Variants in TSPEAR observed in about 807,000 individuals in gnomAD.
The protein encoded by TSPEAR is thrombospondin-type laminin G domain and EAR repeat-containing protein.
Under a neutral mutation model 71.6 loss-of-function variants are expected in TSPEAR, and 69 were observed. The ratio of observed to expected loss-of-function variants is 0.96; its 90% CI spans 0.79 to 1.18. The LOEUF (loss-of-function observed/expected upper bound fraction) is 1.18. Ranked by LOEUF, TSPEAR falls within the 50% of genes most tolerant of loss-of-function variation. The pLI is 0.00. For synonymous variants in TSPEAR, 402 were observed against 387.2 expected (o/e 1.04, Z -0.45); for missense variants, 971 against 894.9 (o/e 1.09, Z -1.09).
intron 1 of TSPEAR, chr21:44,638,008 G>A (rs1555937510): frequency 1.9e-6 from 3 of 1,612,728 alleles, no homozygotes; most frequent in Non-Finnish European, 2.5e-6. Context: ...GCCACCCTGT[G>A]TGCAAGTCCA....
chr21:44,711,348 G>A lies in TSPEAR; in HGVS notation c.82+85C>T. The A allele has an allele frequency of 1.5e-6, 2 of 1,296,898 alleles. No individual in the cohort carries two copies. The highest frequency in any genetic ancestry group is 2.2e-6 in the Non-Finnish European group (2 of 927,746). 80.3% of individuals were successfully genotyped at this position (1,296,898 alleles called of 1,614,324 possible). On this transcript the variant is annotated intron_variant, in intron 1 of 11. Coordinates refer to ENST00000323084, the MANE Select transcript of TSPEAR (RefSeq NM_144991.3). The surrounding 1 kb of genome is among the most constrained non-coding windows in gnomAD (Gnocchi z 4.5). Reference sequence around the variant, plus strand: ...CTCGGGCACCGCGGCTTGAATCAGTGTTAGAAAGTGGCATTTGTGACTCGA... The same window carrying A: ...CTCGGGCACCGCGGCTTGAATCAGTATTAGAAAGTGGCATTTGTGACTCGA...
intron 1 of TSPEAR, chr21:44,575,211 G>T: frequency 1.5e-6 from 1 of 655,752 alleles, no homozygotes; most frequent in Non-Finnish European, 2.6e-6. Flanking sequence ...CTTCTAGAAA[G>T]TTCCCATGGC....
intron 1 of TSPEAR, among the ~76,000 whole-genome samples, chr21:44,569,744 C>A (rs1278737588): frequency 2.0e-5 from 3 of 152,136 alleles, no homozygotes; most frequent in Admixed American, 2.0e-4. Flanking sequence ...ATAGGGACAG[C>A]AACAGTGGAC....
Position 44,545,720 on chromosome 21 carries a change from A to G in TSPEAR, c.304-11797T>C, listed in dbSNP as rs782490330. Among the ~76,000 whole-genome samples the G allele has an allele frequency of 3.0e-4, 45 of 152,322 alleles. 1 individual carries two copies. Among genetic ancestry groups the G allele is most frequent in the Non-Finnish European group, 5.9e-4 (40 of 68,030 alleles). The stretch of plus-strand genomic sequence containing the variant: ...AATACTTTGAGATGAATAAAAAAGA[A>G]AACACAGCAAACCAAAACTTATGAG... On this transcript the variant is annotated intron_variant, in intron 2 of 11. Transcript: ENST00000323084.
intron 9 of TSPEAR, among the ~76,000 whole-genome samples, chr21:44,521,296 C>T (rs2052728252): frequency 6.6e-6 from 1 of 152,234 alleles, no homozygotes; most frequent in Non-Finnish European, 1.5e-5. Context: ...CCTCAGCACA[C>T]TTGCTGGGAG....
intron 1 of TSPEAR, among the ~76,000 whole-genome samples, chr21:44,616,960 A>G (rs1982141083): frequency 6.6e-6 from 1 of 152,226 alleles, no homozygotes; most frequent in African/African-American, 2.4e-5. Context: ...CACAGCCTAG[A>G]CACCCACCAG....
chr21:44,574,378 C>T lies in TSPEAR; in HGVS notation c.83-6373G>A, dbSNP rs1555923341. ...GGCTGCATCAGCTCCTGCACGCCCT[C>T]GTGCTGCCAGCAGTCTAGCTGCCAG... On this transcript the variant is annotated intron_variant, in intron 1 of 11. Coordinates refer to ENST00000323084, the MANE Select transcript of TSPEAR (RefSeq NM_144991.3). 1.7e-5 allele frequency: 27 copies of T among 1,612,610 alleles called. No homozygotes were observed. The East Asian group carries it at 2.5e-4, about 15-fold the overall frequency.
intron 1 of TSPEAR, chr21:44,678,063 C>T (rs193061026): frequency 4.4e-5 from 31 of 697,788 alleles, no homozygotes; most frequent in South Asian, 3.4e-4. Context: ...CGGTCACACT[C>T]GATAACTGAC....
At chr21:44,569,582 T>G (rs2053760680) in intron 1 of TSPEAR, among the ~76,000 whole-genome samples, 1 of 152,102 alleles carries the variant, frequency 6.6e-6, no homozygotes, top group Admixed American at 6.5e-5. Context: ...GACATGCAGA[T>G]GGAGGGAGCA....
chr21:44,666,922 C>A lies in TSPEAR; in HGVS notation c.82+44511G>T, dbSNP rs781783217. ...GGCTGGATAAGGTCGAGGCAGAGGGCAGTGATGTCTGGGGACGGCCTCCCT... is the reference window on the plus strand; with the variant it reads ...GGCTGGATAAGGTCGAGGCAGAGGGAAGTGATGTCTGGGGACGGCCTCCCT... On this transcript the variant is annotated intron_variant, in intron 1 of 11. Transcript: ENST00000323084. The A allele has an allele frequency of 4.4e-6, 7 of 1,597,094 alleles. No individual in the cohort carries two copies. The Admixed American group carries it at 1.2e-4, about 27-fold the overall frequency.
At chr21:44,636,961 G>T (rs143190831) in intron 1 of TSPEAR, among the ~76,000 whole-genome samples, 1 of 152,206 alleles carries the variant, frequency 6.6e-6, no homozygotes, top group Non-Finnish European at 1.5e-5. Context: ...CCCAACACAG[G>T]CACCTCCGTC....
rs587743119 is a variant in TSPEAR at position 44,654,179 on chromosome 21, G to GT, written c.82+57253dup. 540 of 1,011,282 alleles carry GT rather than the reference G, an allele frequency of 5.3e-4. 5 individuals carry two copies. The African/African-American group carries it at 7.8e-3, about 15-fold the overall frequency. 62.6% of individuals were successfully genotyped at this position (1,011,282 alleles called of 1,614,324 possible). A position where few individuals can be genotyped will look rare whatever the true frequency, so the allele number is the denominator to read the frequency against. On this transcript the variant is annotated intron_variant, in intron 1 of 11. Coordinates refer to ENST00000323084, the MANE Select transcript of TSPEAR (RefSeq NM_144991.3). The stretch of plus-strand genomic sequence containing the variant: ...CAGGCGGTCTAGTCAGGTGACGACA[G>GT]TTTGCTGTGGGAGGATGTGGGGACT...
chr21:44,545,147 G>A (rs986987151), intron 2 of TSPEAR, among the ~76,000 whole-genome samples: 4 of 151,756 alleles, frequency 2.6e-5, no homozygotes, highest in African/African-American at 9.7e-5. Flanking sequence ...GTGAAACCCC[G>A]TCTCTACTAA....
intron 1 of TSPEAR, chr21:44,592,536 G>GCT: frequency 6.4e-7 from 1 of 1,556,394 alleles, no homozygotes; most frequent in Non-Finnish European, 8.7e-7. Flanking sequence ...AGGTGCTGAG[G>GCT]CTCTCGGGCT....
At chr21:44,574,768 C>T in intron 1 of TSPEAR, 1 of 1,614,008 alleles carries the variant, frequency 6.2e-7, no homozygotes. Flanking sequence ...GGGGCTTCCT[C>T]TTCATGCTGC....
At chr21:44,693,357 G>T (rs782088018) in intron 1 of TSPEAR, among the ~76,000 whole-genome samples, 1 of 152,056 alleles carries the variant, frequency 6.6e-6, no homozygotes, top group Non-Finnish European at 1.5e-5. Flanking sequence ...AAATAAATTG[G>T]ACTTCATCAA....
At position 44,523,408 on chromosome 21, in the gene TSPEAR, AAGTCAGGT is replaced by A. The variant is rs1484640022; in HGVS notation, c.1337-1304_1337-1297del. Among the ~76,000 whole-genome samples the A allele has an allele frequency of 2.0e-5, 3 of 151,418 alleles. No individual in the cohort carries two copies. In the East Asian group the frequency reaches 5.8e-4, roughly 29 times the overall value. ...TTGGTCAGTCAGTTAGGTAGTTAATAAGTCAGGTAGTCAGGTAGTTAGTCAGGTAGTCA... is the reference window on the plus strand; with the variant it reads ...TTGGTCAGTCAGTTAGGTAGTTAATAAGTCAGGTAGTTAGTCAGGTAGTCA... On this transcript the variant is annotated intron_variant, in intron 8 of 11. Coordinates refer to ENST00000323084, the MANE Select transcript of TSPEAR (RefSeq NM_144991.3).
chr21:44,576,900 A>C (rs781876098), intron 1 of TSPEAR, among the ~76,000 whole-genome samples: 3 of 152,358 alleles, frequency 2.0e-5, no homozygotes, highest in African/African-American at 7.2e-5. Context: ...CCTGAGAGCA[A>C]GTCTCAGTGT....
intron 9 of TSPEAR, among the ~76,000 whole-genome samples, chr21:44,512,884 G>T (rs147671339): frequency 1.5e-3 from 234 of 152,294 alleles, no homozygotes; most frequent in African/African-American, 5.4e-3. Flanking sequence ...AGCTCTTGCT[G>T]GAGTGCAGGG....
Sources: gnomAD v4.1 joint callset for allele counts (sites outside exome capture counted in the v4.1 genomes callset) on GRCh38, gnomAD v4.1.1 for gene constraint, Gnocchi (gnomAD v3.1) non-coding constraint, MANE v1.5 for transcripts, NCBI Gene and HGNC (gene_info 2026-07-23, HGNC 2026-07-21) for gene names.